Variants in BMPR2 observed in about 807,000 individuals in gnomAD.
BMPR2 encodes the protein bone morphogenetic protein receptor type-2.
A neutral mutation model predicts 100.8 loss-of-function variants in BMPR2; 29 were observed. That is an observed-to-expected ratio of 0.29 (90% CI 0.21 to 0.39). BMPR2 has a LOEUF of 0.39. Among genes scored for constraint, BMPR2 ranks in the 10% least tolerant of loss-of-function variants. The pLI, the probability that BMPR2 is intolerant of heterozygous loss-of-function variation, is 1.00. For synonymous variants in BMPR2, 382 were observed against 442.3 expected, an observed-to-expected ratio of 0.86 and a Z score of 1.71; for missense variants, 1,011 against 1,274.5, an observed-to-expected ratio of 0.79 and a Z score of 3.15.
rs1688718549 is a variant in BMPR2, at chr2:202,564,179, C to T, written c.*4233C>T. On this transcript the variant is annotated 3_prime_UTR_variant, in exon 13 of 13. Coordinates refer to ENST00000374580, the MANE Select transcript of BMPR2 (RefSeq NM_001204.7). ...AGTCATTTAAAATGGAAAAATATTT[C>T]AATGAGCTTTTCCTTTTTTCATATT... is the stretch of plus-strand genomic sequence containing the variant. 6.6e-6 allele frequency: 1 copy of T among 152,158 alleles called. No homozygotes were observed. Among genetic ancestry groups the T allele is most frequent in the Non-Finnish European group, 1.5e-5 (1 of 68,026 alleles). The allele number at this position is 152,158 out of a possible 1,614,324, so 9.4% of individuals were successfully genotyped here.
intron 1 of BMPR2, among the ~76,000 whole-genome samples, chr2:202,410,656 T>TGCC (rs1409390786): frequency 6.6e-6 from 1 of 152,194 alleles, no homozygotes; most frequent in Non-Finnish European, 1.5e-5. Context: ...CTGGGCTCAC[T>TGCC]GCAAGTTCCA....
intron 9 of BMPR2, among the ~76,000 whole-genome samples, chr2:202,535,660 G>A (rs375671278): frequency 2.6e-5 from 4 of 151,700 alleles, no homozygotes; most frequent in African/African-American, 7.3e-5. Flanking sequence ...AGGCAGAGAC[G>A]CTCCTCACTT....
intron 1 of BMPR2, among the ~76,000 whole-genome samples, chr2:202,413,293 G>A (rs1196840251): frequency 6.6e-6 from 1 of 152,144 alleles, no homozygotes; most frequent in Non-Finnish European, 1.5e-5. Context: ...GTGCAAGAAA[G>A]CTCTTTTCCT....
intron 10 of BMPR2, among the ~76,000 whole-genome samples, chr2:202,547,697 C>T (rs1019592255): frequency 5.4e-5 from 8 of 147,522 alleles, no homozygotes; most frequent in Non-Finnish European, 7.4e-5. Flanking sequence ...GCAGGAGAAT[C>T]GCTTGAGCCC....
In BMPR2 at chr2:202,567,326, C is replaced by T. The variant is rs897826874; in HGVS notation, c.*7380C>T. 4.6e-5 allele frequency: 7 copies of T among 152,596 alleles called. No homozygotes were observed. The highest frequency in any genetic ancestry group is 7.3e-5 in the Non-Finnish European group (5 of 68,040). 9.5% of individuals were successfully genotyped at this position (152,596 alleles called of 1,614,324 possible). On this transcript the variant is annotated 3_prime_UTR_variant, in exon 13 of 13. Transcript: ENST00000374580. ...GAAAGGCTAGAAAATACTCGCACTT[C>T]CTCAGAACCCTCTTTCTTGTTAACG...
intron 1 of BMPR2, among the ~76,000 whole-genome samples, chr2:202,411,500 C>T (rs1559030036): frequency 1.3e-5 from 2 of 152,166 alleles, no homozygotes; most frequent in Non-Finnish European, 2.9e-5. Context: ...CACAAATAAA[C>T]TGGGCCCCTT....
At chr2:202,527,647 C>T (rs1324458806) in intron 7 of BMPR2, among the ~76,000 whole-genome samples, 3 of 150,782 alleles carry the variant, frequency 2.0e-5, no homozygotes, top group Admixed American at 2.0e-4. Flanking sequence ...ATTAGCCGGG[C>T]GCGGTGGCGG....
intron 9 of BMPR2, among the ~76,000 whole-genome samples, chr2:202,534,408 C>T (rs1206063568): frequency 6.6e-6 from 1 of 151,738 alleles, no homozygotes; most frequent in Non-Finnish European, 1.5e-5. Context: ...ACCCTGCGGC[C>T]TTCCGCAGTG....
chr2:202,391,291 T>TTTGTTG (rs34935440), intron 1 of BMPR2, among the ~76,000 whole-genome samples: 99 of 151,582 alleles, frequency 6.5e-4, no homozygotes, highest in African/African-American at 2.3e-3. Context: ...GTCTTATAGT[T>TTTGTTG]TTGTTGTTGT....
At chr2:202,534,940 C>T (rs1263558377) in intron 9 of BMPR2, among the ~76,000 whole-genome samples, 3 of 142,992 alleles carry the variant, frequency 2.1e-5, no homozygotes, top group East Asian at 2.2e-4. Flanking sequence ...GGCGGCTGGC[C>T]GGGCGGGGGG....
chr2:202,555,252 C>G lies in BMPR2; in HGVS notation c.1587C>G (p.Arg529=). 6.2e-7 allele frequency: 1 copy of G among 1,613,558 alleles called. No individual in the cohort carries two copies. Among genetic ancestry groups the G allele is most frequent in the Non-Finnish European group, 8.5e-7 (1 of 1,179,566 alleles). Residue 529 remains arginine (R), a splice_region_variant and synonymous_variant, in exon 12 of 13, where the codon CGC becomes CGG. Coordinates refer to ENST00000374580, the MANE Select transcript of BMPR2 (RefSeq NM_001204.7). The stretch of plus-strand genomic sequence containing the variant: ...GTGATACTTTTTTTCTTTCTTTAAG[C>G]AACCTGTCACATAATAGGCGTGTGC... ...NPMSTAMQNE[R]NLSHNRRVPK... is the part of the protein sequence containing the mutation.
chr2:202,441,428 G>A (rs1416873716), intron 1 of BMPR2, among the ~76,000 whole-genome samples: 1 of 150,086 alleles, frequency 6.7e-6, no homozygotes, highest in Non-Finnish European at 1.5e-5. Flanking sequence ...ATAAAGGCTG[G>A]GTGCGGTGGC....
At chr2:202,464,159 CAAAAAAAAAAAAA>C (rs71406983) in intron 1 of BMPR2, among the ~76,000 whole-genome samples, 1 of 62,970 alleles carries the variant, frequency 1.6e-5, no homozygotes. Flanking sequence ...AACTCTGTCT[CAAAAAAAAAAAAA>C]AAAAAAAAAG....
intron 1 of BMPR2, among the ~76,000 whole-genome samples, chr2:202,413,136 C>T (rs1384628390): frequency 6.6e-6 from 1 of 152,208 alleles, no homozygotes; most frequent in Non-Finnish European, 1.5e-5. Flanking sequence ...ATTCTGACTT[C>T]TTGTTTCAGG....
At chr2:202,454,896 G>A (rs540997517) in intron 1 of BMPR2, among the ~76,000 whole-genome samples, 2 of 152,328 alleles carry the variant, frequency 1.3e-5, no homozygotes, top group South Asian at 4.1e-4. Flanking sequence ...GGAAGTCCAA[G>A]ATCAAGGTGC....
chr2:202,472,140 C>G (rs1692449906), intron 3 of BMPR2, among the ~76,000 whole-genome samples: 1 of 152,012 alleles, frequency 6.6e-6, no homozygotes. Context: ...TCTTAGTCAA[C>G]CAATTATAAC....
At chr2:202,555,165 G>A in intron 11 of BMPR2, 87 bp from the exon 12 acceptor site, 4 of 1,237,564 alleles carry the variant, frequency 3.2e-6, no homozygotes, top group Admixed American at 1.9e-5. Context: ...AAACAACTCA[G>A]ACTTTAAAAT....
chr2:202,387,724 GTTAGA>G (rs958254079), intron 1 of BMPR2, among the ~76,000 whole-genome samples: 6 of 152,200 alleles, frequency 3.9e-5, no homozygotes, highest in Admixed American at 3.9e-4. Context: ...AAGAACACCA[GTTAGA>G]TTAGAAGAGT....
At chr2:202,475,789 G>T (rs1371956112) in intron 3 of BMPR2, among the ~76,000 whole-genome samples, 2 of 151,954 alleles carry the variant, frequency 1.3e-5, no homozygotes, top group Admixed American at 6.6e-5. Flanking sequence ...TCTAAGTCCC[G>T]GCCGGGTGCA....
Sources: gnomAD v4.1 joint callset for allele counts (sites outside exome capture counted in the v4.1 genomes callset) on GRCh38, gnomAD v4.1.1 for gene constraint, MANE v1.5 for transcripts, NCBI Gene and HGNC (gene_info 2026-07-23, HGNC 2026-07-21) for gene names.